Variants in TMCC1 observed in about 807,000 individuals in gnomAD.
TMCC1 encodes transmembrane and coiled-coil domains protein 1.
TMCC1 carries 15 observed loss-of-function variants against 52.4 expected under a neutral mutation model. The ratio of observed to expected loss-of-function variants is 0.29; its 90% CI spans 0.19 to 0.44. TMCC1 has a LOEUF of 0.44. Among genes scored for constraint, TMCC1 ranks in the 20% least tolerant of loss-of-function variants. The pLI, the probability that TMCC1 is intolerant of heterozygous loss-of-function variation, is 1.00. For missense variants in TMCC1, 503 were observed against 806.0 expected (o/e 0.62, Z 4.55); for synonymous variants, 279 against 301.9 (o/e 0.92, Z 0.79).
At chr3:129,846,504 A>G (rs905785468) in intron 2 of TMCC1, among the ~76,000 whole-genome samples, 6 of 152,118 alleles carry the variant, frequency 3.9e-5, no homozygotes, top group Non-Finnish European at 8.8e-5. Context: ...CTATTCTTAA[A>G]GTTATTTCTT....
chr3:129,757,597 G>A lies in TMCC1; in HGVS notation c.576+70206C>T, dbSNP rs561114038. 3.9e-5 allele frequency among the ~76,000 whole-genome samples: 6 copies of A among 152,286 alleles called. No homozygotes were observed. The South Asian group carries it at 1.0e-3, about 26-fold the overall frequency. On this transcript the variant is annotated intron_variant, in intron 4 of 6. Coordinates refer to ENST00000393238, the MANE Select transcript of TMCC1 (RefSeq NM_001017395.5). ...GCACTTTGGGAGGCCAAGGTGGGGG[G>A]ATCATTTGAGGTCTGGAGTTTGAGA...
intron 4 of TMCC1, among the ~76,000 whole-genome samples, chr3:129,673,091 G>A (rs763607561): frequency 6.6e-5 from 10 of 152,116 alleles, no homozygotes; most frequent in Non-Finnish European, 1.2e-4. Context: ...ACAAAATAAC[G>A]TTATGCACCA....
Position 129,828,602 on chromosome 3 carries a change from G to A in TMCC1, c.-130-94C>T. The A allele has an allele frequency of 2.1e-6, 1 of 474,686 alleles. No individual in the cohort carries two copies. The highest frequency in any genetic ancestry group is 3.7e-6 in the Non-Finnish European group (1 of 271,150). The allele number at this position is 474,686 out of a possible 1,614,324, so 29.4% of individuals were successfully genotyped here. ...CCAGTGTTAAAACAAAGAAAAACAT[G>A]CTACTGGCCAAACAAATAGGCACTA... On this transcript the variant is annotated intron_variant, in intron 3 of 6. Coordinates refer to ENST00000393238, the MANE Select transcript of TMCC1 (RefSeq NM_001017395.5). The surrounding 1 kb of genome is among the most constrained non-coding windows in gnomAD (Gnocchi z 4.1).
intron 4 of TMCC1, among the ~76,000 whole-genome samples, chr3:129,734,247 CTA>C (rs1330483664): frequency 6.6e-6 from 1 of 152,046 alleles, no homozygotes. Context: ...TAGATCAGAA[CTA>C]TATGTTATCA....
intron 4 of TMCC1, among the ~76,000 whole-genome samples, chr3:129,742,360 T>C (rs970765363): frequency 2.0e-5 from 3 of 151,928 alleles, no homozygotes; most frequent in African/African-American, 7.3e-5. Context: ...ATATAAAAAA[T>C]TATAAGTCAA....
intron 4 of TMCC1, among the ~76,000 whole-genome samples, chr3:129,702,422 G>A (rs1362575049): frequency 6.6e-6 from 1 of 152,086 alleles, no homozygotes; most frequent in African/African-American, 2.4e-5. Flanking sequence ...AATTTCAAAA[G>A]TGTAAAGTAA....
intron 2 of TMCC1, chr3:129,848,041 A>C (rs1030627504): frequency 6.6e-6 from 1 of 152,042 alleles, no homozygotes; most frequent in African/African-American, 2.4e-5. Context: ...ACAATTCTTT[A>C]TATCTTCTAG....
chr3:129,869,306 C>T (rs962372468), intron 2 of TMCC1, among the ~76,000 whole-genome samples: 1 of 152,096 alleles, frequency 6.6e-6, no homozygotes, highest in African/African-American at 2.4e-5. Flanking sequence ...CACCCCTCCC[C>T]CATAGCTTGC....
chr3:129,766,118 G>A (rs533739783), intron 4 of TMCC1, among the ~76,000 whole-genome samples: 1 of 152,218 alleles, frequency 6.6e-6, no homozygotes, highest in African/African-American at 2.4e-5. Flanking sequence ...TTGAAATAAG[G>A]AGCAAAGGAA....
rs575692370 is a variant in TMCC1 at position 129,671,146 on chromosome 3, G to A, written c.695C>T (p.Ala232Val). The part of the protein sequence containing the change: ...DGTPDPQRTK[A>V]AIAHLQQKIL... ...CTTCTGCTGCAGGTGAGCAATGGCA[G>A]CCTTTGTGCGCTGAGGGTCTGGTGT... Residue 232 changes from alanine to valine, a missense_variant, in exon 5 of 7, where the codon GCT (alanine) becomes GTT (valine). Physicochemically the swap from Ala to Val is moderately conservative, Grantham distance 64. Around this residue, in one of 7 missense-constraint regions of TMCC1, gnomAD observed 217 missense variants for 297.9 expected, o/e 0.73. Transcript: ENST00000393238. The A allele has an allele frequency of 1.2e-6, 2 of 1,614,186 alleles. No homozygotes were observed. The highest frequency in any genetic ancestry group is 2.2e-5 in the South Asian group (2 of 91,082).
At position 129,828,615 on chromosome 3, in the gene TMCC1, CAAAT is replaced by C. The variant is rs1183759106; in HGVS notation, c.-130-111_-130-108del. The C allele has an allele frequency of 4.5e-6, 2 of 444,202 alleles. No individual in the cohort carries two copies. The highest frequency in any genetic ancestry group is 4.0e-5 in the African/African-American group (2 of 49,530). The allele number at this position is 444,202 out of a possible 1,614,324, so 27.5% of individuals were successfully genotyped here. ...AAAGAAAAACATGCTACTGGCCAAA[CAAAT>C]AGGCACTATCATTAAGCAATCTTTA... On this transcript the variant is annotated intron_variant, in intron 3 of 6. Coordinates refer to ENST00000393238, the MANE Select transcript of TMCC1 (RefSeq NM_001017395.5). This position sits in a 1 kb window ranked among gnomAD's most constrained non-coding sequence, Gnocchi z 4.1.
At chr3:129,714,430 AT>A (rs1367018367) in intron 4 of TMCC1, among the ~76,000 whole-genome samples, 1 of 152,116 alleles carries the variant, frequency 6.6e-6, no homozygotes, top group Non-Finnish European at 1.5e-5. Flanking sequence ...ATGAGATCAT[AT>A]TTTCACTTAT....
intron 2 of TMCC1, among the ~76,000 whole-genome samples, chr3:129,838,530 A>C (rs187094145): frequency 9.9e-4 from 150 of 152,210 alleles, no homozygotes; most frequent in African/African-American, 3.4e-3. Flanking sequence ...CGAGACGGGC[A>C]GATCACAAGG....
At chr3:129,691,775 C>G (rs908987453) in intron 4 of TMCC1, among the ~76,000 whole-genome samples, 41 of 152,264 alleles carry the variant, frequency 2.7e-4, no homozygotes, top group African/African-American at 9.6e-4. Context: ...CTTTAAAAAA[C>G]AAAACAGAAA....
intron 6 of TMCC1, among the ~76,000 whole-genome samples, chr3:129,654,228 A>G (rs969542468): frequency 1.3e-5 from 2 of 152,200 alleles, no homozygotes; most frequent in Non-Finnish European, 2.9e-5. Context: ...CTTCAGACTG[A>G]CGCCAACTAT....
chr3:129,676,432 T>A (rs2088455224), intron 4 of TMCC1, among the ~76,000 whole-genome samples: 1 of 152,228 alleles, frequency 6.6e-6, no homozygotes, highest in Non-Finnish European at 1.5e-5. Context: ...CTGCATTGTA[T>A]CTCTTAATAT....
intron 4 of TMCC1, among the ~76,000 whole-genome samples, chr3:129,770,273 T>C (rs548652585): frequency 2.6e-5 from 4 of 152,320 alleles, no homozygotes; most frequent in South Asian, 2.1e-4. Context: ...CCCAGCACTT[T>C]GGGAGGCTGA....
chr3:129,713,127 C>T (rs543019711), intron 4 of TMCC1, among the ~76,000 whole-genome samples: 95 of 152,048 alleles, frequency 6.2e-4, no homozygotes, highest in Admixed American at 1.8e-3. Context: ...CTAGTTGTAG[C>T]GGTGCACACC....
At position 129,828,538 on chromosome 3, in the gene TMCC1, C is replaced by CAA. The variant is rs952733926; in HGVS notation, c.-130-32_-130-31dup. On this transcript the variant is annotated intron_variant, in intron 3 of 6. Coordinates refer to ENST00000393238, the MANE Select transcript of TMCC1 (RefSeq NM_001017395.5). This position sits in a 1 kb window ranked among gnomAD's most constrained non-coding sequence, Gnocchi z 4.1. ...TGTTAAAAACAAAAAAACAAAAAAA[C>CAA]AAAAAAAAAACCTTATATTATAAAT... 29 of 547,122 alleles carry CAA rather than the reference C, an allele frequency of 5.3e-5. No homozygotes were observed. Among genetic ancestry groups the CAA allele is most frequent in the East Asian group, 3.0e-4 (9 of 30,048 alleles). The allele number at this position is 547,122 out of a possible 1,614,324, so 33.9% of individuals were successfully genotyped here.
Sources: allele counts gnomAD v4.1 joint callset (sites outside exome capture counted in the v4.1 genomes callset), GRCh38; gene constraint gnomAD v4.1.1; regional missense constraint gnomAD v4.1.1; non-coding constraint Gnocchi (gnomAD v3.1); transcripts MANE v1.5; gene names NCBI Gene and HGNC (gene_info 2026-07-23, HGNC 2026-07-21).